The following SV2B variants were observed in gnomAD, a reference collection of about 807,000 sequenced individuals.
SV2B encodes the protein synaptic vesicle glycoprotein 2B, also known as solute carrier family 22 member B2.
A neutral mutation model predicts 73.9 loss-of-function variants in SV2B; 41 were observed. The observed-to-expected ratio is 0.56, with a 90% confidence interval of 0.43 to 0.72. SV2B has a LOEUF of 0.72. Among genes scored for constraint, SV2B ranks in the 30% least tolerant of loss-of-function variants. The pLI, the probability that SV2B is intolerant of heterozygous loss-of-function variation, is 0.00. For missense variants in SV2B, 764 were observed against 857.8 expected (o/e 0.89, Z 1.37); for synonymous variants, 314 against 314.2 (o/e 1.00, Z 0.01).
intron 1 of SV2B, among the ~76,000 whole-genome samples, chr15:91,195,583 A>G (rs1267709513): frequency 6.6e-6 from 1 of 152,222 alleles, no homozygotes; most frequent in Non-Finnish European, 1.5e-5. Context: ...AATTGCTTTG[A>G]AAATGAAGCT....
In SV2B at chr15:91,239,841, G is replaced by A. The variant is rs761317576; in HGVS notation, c.452-11978G>A. Among the ~76,000 whole-genome samples, 8 of 152,214 alleles carry A rather than the reference G, an allele frequency of 5.3e-5. No individual in the cohort carries two copies. Among genetic ancestry groups the A allele is most frequent in the African/African-American group, 1.2e-4 (5 of 41,452 alleles). On this transcript the variant is annotated intron_variant, in intron 2 of 12. Coordinates refer to ENST00000394232, the MANE Select transcript of SV2B (RefSeq NM_001323032.3). This position sits in a 1 kb window ranked among gnomAD's most constrained non-coding sequence, Gnocchi z 5.1. ...GTCAGGGCATGAGGTTGGCATGTCTGCGATTCTCTTTACTTTCCATGGTGG... is the reference window on the plus strand; with the variant it reads ...GTCAGGGCATGAGGTTGGCATGTCTACGATTCTCTTTACTTTCCATGGTGG...
At position 91,268,403 on chromosome 15, in the gene SV2B, C is replaced by G; in HGVS notation, c.1209-38C>G. 1 of 1,587,860 alleles carries G rather than the reference C, an allele frequency of 6.3e-7. No homozygotes were observed. Among genetic ancestry groups the G allele is most frequent in the Non-Finnish European group, 8.6e-7 (1 of 1,162,210 alleles). On this transcript the variant is annotated intron_variant, in intron 8 of 12. Coordinates refer to ENST00000394232, the MANE Select transcript of SV2B (RefSeq NM_001323032.3). The surrounding 1 kb of genome is among the most constrained non-coding windows in gnomAD (Gnocchi z 4.4). ...AGACCCTGATCATGAAAGAATGAAT[C>G]CTGTTGTTGTTGCAACCTTCTGCCT...
chr15:91,219,109 C>T (rs140242560), intron 1 of SV2B, among the ~76,000 whole-genome samples: 26 of 152,218 alleles, frequency 1.7e-4, no homozygotes, highest in African/African-American at 5.8e-4. Context: ...CCATCACACC[C>T]AGCTAATTTT....
At chr15:91,216,800 A>G (rs2046044881) in intron 1 of SV2B, among the ~76,000 whole-genome samples, 1 of 150,296 alleles carries the variant, frequency 6.7e-6, no homozygotes, top group Non-Finnish European at 1.5e-5. Context: ...AAAGCATAGC[A>G]TTAAACCAGT....
At chr15:91,248,123 C>T (rs976962154) in intron 2 of SV2B, among the ~76,000 whole-genome samples, 7 of 152,094 alleles carry the variant, frequency 4.6e-5, no homozygotes, top group East Asian at 3.9e-4. Flanking sequence ...AGATCAAGAC[C>T]ATCCTGGCTA....
Position 91,232,340 on chromosome 15 carries a change from G to T in SV2B, c.451+5626G>T, listed in dbSNP as rs922307115. Among the ~76,000 whole-genome samples the T allele has an allele frequency of 6.6e-6, 1 of 152,196 alleles. No homozygotes were observed. Among genetic ancestry groups the T allele is most frequent in the Non-Finnish European group, 1.5e-5 (1 of 68,026 alleles). ...GATAGACTGATTACTTGATGCTCTT[G>T]TGAGAACAAAAACCATCAGAAGAAA... On this transcript the variant is annotated intron_variant, in intron 2 of 12. Transcript: ENST00000394232. The surrounding 1 kb of genome is among the most constrained non-coding windows in gnomAD (Gnocchi z 4.7).
intron 7 of SV2B, 36 bp downstream of exon 7, chr15:91,266,728 C>T: frequency 6.6e-7 from 1 of 1,522,680 alleles, no homozygotes; most frequent in Non-Finnish European, 9.1e-7. Flanking sequence ...GAGGATGCGT[C>T]TCTATGGGAG....
intron 1 of SV2B, among the ~76,000 whole-genome samples, chr15:91,176,532 C>T (rs1257688757): frequency 6.6e-6 from 1 of 152,320 alleles, no homozygotes; most frequent in South Asian, 2.1e-4. Flanking sequence ...TCCTATTTCT[C>T]CACATCCTCT....
chr15:91,216,542 G>A (rs369796823), intron 1 of SV2B, among the ~76,000 whole-genome samples: 62 of 150,242 alleles, frequency 4.1e-4, no homozygotes, highest in Middle Eastern at 3.4e-3. Flanking sequence ...GTGTGATCTC[G>A]GCTCGTGGCA....
rs1038591806 is a variant in SV2B at position 91,105,855 on chromosome 15, C to G, written c.-392+5492C>G. Among the ~76,000 whole-genome samples the G allele has an allele frequency of 6.6e-6, 1 of 152,044 alleles. No homozygotes were observed. Among genetic ancestry groups the G allele is most frequent in the Non-Finnish European group, 1.5e-5 (1 of 67,998 alleles). ...CTTGAGCTCAGGAGTTTGAGACCAG[C>G]CTGGACAACGTGGCAAAATCCCAAC... On this transcript the variant is annotated intron_variant, in intron 1 of 12. Transcript: ENST00000394232. The surrounding 1 kb of genome is among the most constrained non-coding windows in gnomAD (Gnocchi z 5.5).
In SV2B at chr15:91,245,794, G is replaced by A. The variant is rs563420607; in HGVS notation, c.452-6025G>A. Among the ~76,000 whole-genome samples the A allele has an allele frequency of 6.6e-6, 1 of 152,032 alleles. No homozygotes were observed. Among genetic ancestry groups the A allele is most frequent in the South Asian group, 2.1e-4 (1 of 4,812 alleles). Reference sequence around the variant, plus strand: ...TAGTATGCTGCCAAAAGACTATCAGGGACGACTGAAATTTGGAACAGGAAC... The same window carrying A: ...TAGTATGCTGCCAAAAGACTATCAGAGACGACTGAAATTTGGAACAGGAAC... On this transcript the variant is annotated intron_variant, in intron 2 of 12. Coordinates refer to ENST00000394232, the MANE Select transcript of SV2B (RefSeq NM_001323032.3). The surrounding 1 kb of genome is among the most constrained non-coding windows in gnomAD (Gnocchi z 4.2).
chr15:91,205,240 C>T (rs746274344), intron 1 of SV2B, among the ~76,000 whole-genome samples: 2 of 151,986 alleles, frequency 1.3e-5, no homozygotes, highest in African/African-American at 2.4e-5. Flanking sequence ...TTTATTCAAG[C>T]GTGAAGTGTG....
intron 1 of SV2B, among the ~76,000 whole-genome samples, chr15:91,193,833 G>A (rs905953246): frequency 3.3e-5 from 5 of 152,168 alleles, no homozygotes; most frequent in Admixed American, 2.6e-4. Flanking sequence ...CAGCAGTCCA[G>A]AAAAAGTTTA....
chr15:91,222,666 A>C (rs768950844), intron 1 of SV2B, among the ~76,000 whole-genome samples: 1 of 152,174 alleles, frequency 6.6e-6, no homozygotes, highest in Non-Finnish European at 1.5e-5. Context: ...TTCACTCTGT[A>C]TCATCCCTAA....
At chr15:91,177,439 G>T (rs1352160797) in intron 1 of SV2B, among the ~76,000 whole-genome samples, 3 of 151,758 alleles carry the variant, frequency 2.0e-5, no homozygotes, top group South Asian at 4.2e-4. Context: ...AAAGTCATTG[G>T]TAGCTTGATG....
At chr15:91,180,943 C>T (rs543017264) in intron 1 of SV2B, among the ~76,000 whole-genome samples, 8 of 152,318 alleles carry the variant, frequency 5.3e-5, no homozygotes, top group Non-Finnish European at 1.2e-4. Context: ...TGAGGAACTG[C>T]GTTCCTTTGG....
intron 1 of SV2B, among the ~76,000 whole-genome samples, chr15:91,107,676 C>T (rs1165615228): frequency 6.6e-6 from 1 of 152,106 alleles, no homozygotes; most frequent in African/African-American, 2.4e-5. Context: ...GTGGCGTGAA[C>T]TCAGCTCACT....
In SV2B at chr15:91,157,136, G is replaced by T. The variant is rs146393921; in HGVS notation, c.-392+56773G>T. On this transcript the variant is annotated intron_variant, in intron 1 of 12. Coordinates refer to ENST00000394232, the MANE Select transcript of SV2B (RefSeq NM_001323032.3). The stretch of plus-strand genomic sequence containing the variant: ...AGCTGAGCTTGGAAATGCAAAGTAG[G>T]ATTTGGGAAGGATTTTTACCTTTTT... Among the ~76,000 whole-genome samples, 3 of 152,252 alleles carry T rather than the reference G, an allele frequency of 2.0e-5. No homozygotes were observed. The East Asian group carries it at 5.8e-4, about 29-fold the overall frequency.
At chr15:91,271,358 A>C (rs10438438) in intron 9 of SV2B, among the ~76,000 whole-genome samples, 58,771 of 152,016 alleles carry the variant, frequency 0.39, 13,369 homozygotes, top group African/African-American at 0.64. Flanking sequence ...AGTGACAATG[A>C]AATTGCTAAT....
Sources: allele counts gnomAD v4.1 joint callset (sites outside exome capture counted in the v4.1 genomes callset), GRCh38; gene constraint gnomAD v4.1.1; non-coding constraint Gnocchi (gnomAD v3.1); transcripts MANE v1.5; gene names NCBI Gene and HGNC (gene_info 2026-07-23, HGNC 2026-07-21).